NEIL3: variants seen among roughly 807,000 people sequenced by gnomAD.
The protein encoded by NEIL3 is endonuclease 8-like 3.
In NEIL3, 48 loss-of-function variants were observed where a neutral mutation model predicts 57.5. That is an observed-to-expected ratio of 0.83 (90% CI 0.66 to 1.06). The LOEUF is 1.06. Among genes scored for constraint, NEIL3 ranks in the 50% least tolerant of loss-of-function variants. The probability of loss-of-function intolerance (pLI) is 0.00; values close to 1 mark genes in which losing one functional copy is unlikely to be tolerated. For synonymous variants in NEIL3, 261 were observed against 253.2 expected (o/e 1.03, Z -0.29); for missense variants, 717 against 739.1 (o/e 0.97, Z 0.35).
chr4:177,360,797 T>C (rs562241875), intron 9 of NEIL3, 120 bp downstream of exon 9: 6 of 737,076 alleles, frequency 8.1e-6, no homozygotes, highest in South Asian at 5.1e-5. Flanking sequence ...AATAGCCATA[T>C]TGGCATTCAG....
Position 177,361,204 on chromosome 4 carries a change from C to T in NEIL3, c.1635+527C>T, listed in dbSNP as rs1735601933. On this transcript the variant is annotated intron_variant, in intron 9 of 9. Transcript: ENST00000264596. ...AGGCGATTCCTCCTGCCTTTCCAGT[C>T]TGTGGATGTATCCCTAAAGATGAAC... Among the ~76,000 whole-genome samples the T allele has an allele frequency of 2.0e-5, 3 of 152,184 alleles. No individual in the cohort carries two copies. In the South Asian group the frequency reaches 6.2e-4, roughly 32 times the overall value.
At position 177,353,789 on chromosome 4, in the gene NEIL3, G is replaced by T. The variant is rs1189112862; in HGVS notation, c.1460+61G>T. 18 of 1,329,366 alleles carry T rather than the reference G, an allele frequency of 1.4e-5. No homozygotes were observed. The Admixed American group carries it at 1.9e-4, about 14-fold the overall frequency. 82.3% of individuals were successfully genotyped at this position (1,329,366 alleles called of 1,614,324 possible). A position where few individuals can be genotyped will look rare whatever the true frequency, so the allele number is the denominator to read the frequency against. ...GCTTTTTTTTTTTTTTTTTTAAGACGAGGTCTCACTCTGTCACCTAGGCTA... is the reference window on the plus strand; with the variant it reads ...GCTTTTTTTTTTTTTTTTTTAAGACTAGGTCTCACTCTGTCACCTAGGCTA... On this transcript the variant is annotated intron_variant, in intron 8 of 9. Transcript: ENST00000264596.
the NEIL3 span, among the ~76,000 whole-genome samples, chr4:177,368,564 C>T: frequency 6.6e-6 from 1 of 152,172 alleles, no homozygotes; most frequent in African/African-American, 2.4e-5. Flanking sequence ...TATGACTCTT[C>T]CTTATTCTTC....
chr4:177,364,245 A>G (rs1295196559), downstream of NEIL3, among the ~76,000 whole-genome samples: 2 of 152,170 alleles, frequency 1.3e-5, no homozygotes, highest in Non-Finnish European at 2.9e-5. Flanking sequence ...CTCCAGCTGA[A>G]CCCAACCTCC....
At chr4:177,342,230 T>G (rs755305641) in intron 6 of NEIL3, among the ~76,000 whole-genome samples, 2 of 152,216 alleles carry the variant, frequency 1.3e-5, no homozygotes, top group Non-Finnish European at 2.9e-5. Context: ...TATTTTTGTC[T>G]CCTGGAATTA....
At chr4:177,344,561 C>T (rs36095397) in intron 6 of NEIL3, among the ~76,000 whole-genome samples, 25,401 of 151,604 alleles carry the variant, frequency 0.17, 2,569 homozygotes, top group Admixed American at 0.28. Context: ...GTTCTTTTTT[C>T]TTTTTATTTG....
At position 177,353,639 on chromosome 4, in the gene NEIL3, TA is replaced by T. The variant is rs771051450; in HGVS notation, c.1374del (p.Lys458AsnfsTer36). ...TATCACCTACAATCAGTTCAGAATC[TA>T]AATTATTTAGTCCAGCACATAAAAA... ...NISPTISSES[K>X]LFSPAHKKPK... On this transcript the variant is annotated frameshift_variant, in exon 8 of 10. Coordinates refer to ENST00000264596, the MANE Select transcript of NEIL3 (RefSeq NM_018248.3). LOFTEE classifies it high-confidence loss of function. 2 of 1,613,730 alleles carry T rather than the reference TA, an allele frequency of 1.2e-6. No individual in the cohort carries two copies. The highest frequency in any genetic ancestry group is 1.7e-6 in the Non-Finnish European group (2 of 1,179,710).
intron 2 of NEIL3, among the ~76,000 whole-genome samples, chr4:177,334,428 C>T (rs1017330143): frequency 1.3e-5 from 2 of 152,086 alleles, no homozygotes; most frequent in African/African-American, 4.8e-5. Flanking sequence ...GGGGCTACTC[C>T]TGCATTTGAA....
At chr4:177,353,098 T>G (rs1182853269) in intron 7 of NEIL3, among the ~76,000 whole-genome samples, 2 of 152,182 alleles carry the variant, frequency 1.3e-5, no homozygotes, top group Non-Finnish European at 2.9e-5. Flanking sequence ...TTTCTGTAAG[T>G]CGAAATTTTG....
rs746911170 is a variant in NEIL3, at chr4:177,339,809, C to A, written c.654C>A (p.Ile218=). The part of the protein sequence containing the change: ...VKVCQLTDEQ[I]HHLMKMIRDF... The stretch of plus-strand genomic sequence containing the variant: ...TTTGTCAATTAACAGATGAACAGAT[C>A]CATCACCTCATGAAAATGATACGTG... Residue 218 remains isoleucine (I), a synonymous_variant, in exon 5 of 10, where the codon ATC becomes ATA. Coordinates refer to ENST00000264596, the MANE Select transcript of NEIL3 (RefSeq NM_018248.3). The A allele has an allele frequency of 6.2e-7, 1 of 1,613,654 alleles. No homozygotes were observed. The highest frequency in any genetic ancestry group is 1.1e-5 in the South Asian group (1 of 91,066).
chr4:177,316,765 CAG>C (rs1734581409), intron 1 of NEIL3, among the ~76,000 whole-genome samples: 1 of 152,068 alleles, frequency 6.6e-6, no homozygotes, highest in East Asian at 1.9e-4. Flanking sequence ...AGCTTATAGA[CAG>C]GGGAGAAATG....
rs376165754 is a variant in NEIL3, at chr4:177,334,944, A to G, written c.279-744A>G. 1.0e-3 allele frequency among the ~76,000 whole-genome samples: 159 copies of G among 152,332 alleles called. 6 individuals carry two copies. In the South Asian group the frequency reaches 0.023, roughly 22 times the overall value. On this transcript the variant is annotated intron_variant, in intron 2 of 9. Coordinates refer to ENST00000264596, the MANE Select transcript of NEIL3 (RefSeq NM_018248.3). ...AAAACTGGACATGCTAATCAATCCT[A>G]TAAAATCTGAAAGGTTACGAATTTT...
chr4:177,317,289 G>A (rs1734592505), intron 1 of NEIL3, among the ~76,000 whole-genome samples: 1 of 152,120 alleles, frequency 6.6e-6, no homozygotes. Flanking sequence ...GAGCAAATAA[G>A]ACGTGTATTA....
At chr4:177,319,949 C>G (rs569145473) in intron 1 of NEIL3, among the ~76,000 whole-genome samples, 1 of 152,144 alleles carries the variant, frequency 6.6e-6, no homozygotes, top group Non-Finnish European at 1.5e-5. Flanking sequence ...AAACAAGGCT[C>G]TCACCATTGA....
chr4:177,312,390 A>G (rs1351756927), intron 1 of NEIL3, among the ~76,000 whole-genome samples: 1 of 152,260 alleles, frequency 6.6e-6, no homozygotes, highest in Non-Finnish European at 1.5e-5. Context: ...TAAGAACACC[A>G]TAATGCTCAG....
chr4:177,324,517 A>C (rs1012176355), intron 2 of NEIL3, among the ~76,000 whole-genome samples: 1 of 152,158 alleles, frequency 6.6e-6, no homozygotes. Flanking sequence ...TTAGAGAGTG[A>C]TTACTTCTCT....
At chr4:177,335,863 CA>C (rs1734969477) in intron 3 of NEIL3, 41 bp downstream of exon 3, 1 of 1,500,422 alleles carries the variant, frequency 6.7e-7, no homozygotes, top group Non-Finnish European at 8.9e-7. Context: ...TGCAATACTG[CA>C]GAGCTTGGTT....
At chr4:177,339,900 G>A in intron 5 of NEIL3, 43 bp downstream of exon 5, 12 of 1,402,696 alleles carry the variant, frequency 8.6e-6, no homozygotes, top group Non-Finnish European at 1.2e-5. Context: ...TAAAATGTCA[G>A]TGGTTTCCTT....
chr4:177,336,475 G>C (rs1734981789), intron 4 of NEIL3, among the ~76,000 whole-genome samples, 154 bp downstream of exon 4: 1 of 152,110 alleles, frequency 6.6e-6, no homozygotes, highest in Non-Finnish European at 1.5e-5. Flanking sequence ...TCTCAGTGCA[G>C]CCGGCTCCTA....
Sources: gnomAD v4.1 joint callset for allele counts (sites outside exome capture counted in the v4.1 genomes callset) on GRCh38, gnomAD v4.1.1 for gene constraint, MANE v1.5 for transcripts, NCBI Gene and HGNC (gene_info 2026-07-23, HGNC 2026-07-21) for gene names.